The following RHOBTB1 variants were observed in gnomAD, a reference collection of about 807,000 sequenced individuals.
RHOBTB1 encodes the protein rho-related BTB domain-containing protein 1.
A neutral mutation model predicts 71.6 loss-of-function variants in RHOBTB1; 40 were observed. That is an observed-to-expected ratio of 0.56 (90% CI 0.43 to 0.73). The LOEUF (loss-of-function observed/expected upper bound fraction) is 0.73, where lower values mean the gene tolerates loss of function less well. Among genes scored for constraint, RHOBTB1 ranks in the 30% least tolerant of loss-of-function variants. The pLI, the probability that RHOBTB1 is intolerant of heterozygous loss-of-function variation, is 0.00. For synonymous variants in RHOBTB1, 319 were observed against 334.9 expected, an observed-to-expected ratio of 0.95 and a Z score of 0.52; for missense variants, 797 against 894.0, an observed-to-expected ratio of 0.89 and a Z score of 1.38.
At chr10:60,868,992 A>G (rs971365549), downstream of RHOBTB1, among the ~76,000 whole-genome samples, 2 of 152,238 alleles carry the variant, frequency 1.3e-5, no homozygotes, top group African/African-American at 4.8e-5. Context: ...TTGGGTAAAC[A>G]TTGTATTACC....
chr10:60,885,458 G>T (rs1297000267), intron 7 of RHOBTB1, among the ~76,000 whole-genome samples: 2 of 152,162 alleles, frequency 1.3e-5, no homozygotes, highest in African/African-American at 4.8e-5. Flanking sequence ...ACCTTGAGAG[G>T]TGTGTTCAGG....
At chr10:61,001,131 A>G (rs1397361378) in intron 1 of RHOBTB1, among the ~76,000 whole-genome samples, 1 of 151,962 alleles carries the variant, frequency 6.6e-6, no homozygotes, top group Non-Finnish European at 1.5e-5. Flanking sequence ...GCTGCTCAAG[A>G]CACCCAAAGT....
chr10:60,979,108 T>C (rs1589450602), intron 2 of RHOBTB1, among the ~76,000 whole-genome samples: 3 of 152,164 alleles, frequency 2.0e-5, no homozygotes, highest in African/African-American at 4.8e-5. Flanking sequence ...GCTCTAATAT[T>C]TATGCTAGGA....
the RHOBTB1 span, among the ~76,000 whole-genome samples, chr10:60,861,005 A>G: frequency 6.6e-6 from 1 of 152,210 alleles, no homozygotes; most frequent in Admixed American, 6.5e-5. Context: ...ATTATTTGTG[A>G]TAATTTTCAG....
At chr10:60,867,353 G>A (rs1026444854), downstream of RHOBTB1, among the ~76,000 whole-genome samples, 18 of 152,156 alleles carry the variant, frequency 1.2e-4, no homozygotes, top group Admixed American at 4.6e-4. Flanking sequence ...CTCATCGATT[G>A]CCTGTAATAT....
At chr10:60,900,850 G>C (rs185015176) in intron 4 of RHOBTB1, among the ~76,000 whole-genome samples, 1 of 152,162 alleles carries the variant, frequency 6.6e-6, no homozygotes, top group Admixed American at 6.5e-5. Flanking sequence ...ATACGGCAGA[G>C]GTTAACCGGT....
intron 4 of RHOBTB1, among the ~76,000 whole-genome samples, chr10:60,898,997 G>T (rs745702674): frequency 3.3e-5 from 5 of 152,190 alleles, no homozygotes; most frequent in Non-Finnish European, 7.3e-5. Context: ...TCTTAGAAAT[G>T]GTTGGTTCTA....
chr10:60,935,196 A>C (rs1221142794), intron 2 of RHOBTB1, among the ~76,000 whole-genome samples: 1 of 152,240 alleles, frequency 6.6e-6, no homozygotes, highest in East Asian at 1.9e-4. Flanking sequence ...TTATGGATGA[A>C]TCTCACAAAC....
chr10:60,997,175 G>T (rs2087085456), intron 1 of RHOBTB1, among the ~76,000 whole-genome samples: 1 of 151,584 alleles, frequency 6.6e-6, no homozygotes, highest in African/African-American at 2.4e-5. Flanking sequence ...CTATTAGCTG[G>T]ATTCAAACAC....
intron 2 of RHOBTB1, among the ~76,000 whole-genome samples, chr10:60,927,425 A>G (rs1186771163): frequency 1.3e-5 from 2 of 152,218 alleles, no homozygotes; most frequent in African/African-American, 4.8e-5. Context: ...GAGCAAAAAG[A>G]ATAGAGCTGG....
intron 2 of RHOBTB1, among the ~76,000 whole-genome samples, chr10:60,981,893 C>T (rs961755056): frequency 2.0e-4 from 30 of 152,072 alleles, no homozygotes; most frequent in African/African-American, 6.8e-4. Context: ...CTTCAGCCTC[C>T]CAAGTAGCTG....
chr10:60,992,991 A>T (rs549850570), intron 1 of RHOBTB1, among the ~76,000 whole-genome samples: 2 of 152,310 alleles, frequency 1.3e-5, no homozygotes, highest in East Asian at 3.9e-4. Context: ...TAAGGTTAGC[A>T]GGAATAACTT....
chr10:60,902,325 C>T (rs544279397), intron 4 of RHOBTB1, among the ~76,000 whole-genome samples: 6 of 152,144 alleles, frequency 3.9e-5, no homozygotes, highest in South Asian at 2.1e-4. Flanking sequence ...TAGTCTAACA[C>T]GTATCTGTTT....
chr10:60,862,003 T>C, the RHOBTB1 span, among the ~76,000 whole-genome samples: 1 of 152,138 alleles, frequency 6.6e-6, no homozygotes. Flanking sequence ...TTTGTTAGTT[T>C]ATTAAAACTA....
chr10:60,895,905 G>A (rs950771674), intron 4 of RHOBTB1, among the ~76,000 whole-genome samples: 1 of 152,246 alleles, frequency 6.6e-6, no homozygotes, highest in Non-Finnish European at 1.5e-5. Flanking sequence ...CAGTGACAGA[G>A]CTATAGAAAG....
chr10:60,864,689 C>T (rs1479784062), downstream of RHOBTB1, among the ~76,000 whole-genome samples: 3 of 151,646 alleles, frequency 2.0e-5, no homozygotes, highest in East Asian at 3.9e-4. Context: ...TTTATTTTAT[C>T]TATTTTTATT....
the RHOBTB1 span, among the ~76,000 whole-genome samples, chr10:60,861,371 G>T: frequency 5.9e-5 from 9 of 152,170 alleles, no homozygotes; most frequent in Non-Finnish European, 1.2e-4. Context: ...GGAGAAGGTG[G>T]GAAGGGGAAA....
intron 2 of RHOBTB1, among the ~76,000 whole-genome samples, chr10:60,938,209 C>T (rs996689399): frequency 4.6e-5 from 7 of 152,118 alleles, no homozygotes; most frequent in South Asian, 2.1e-4. Context: ...TATCTTTGCA[C>T]GACTGGAATT....
At chr10:60,996,345 G>A (rs2087049314) in intron 1 of RHOBTB1, among the ~76,000 whole-genome samples, 1 of 152,092 alleles carries the variant, frequency 6.6e-6, no homozygotes, top group African/African-American at 2.4e-5. Context: ...CAAGGCCTGA[G>A]GGAATCTGCC....
Sources: allele counts gnomAD v4.1 joint callset (sites outside exome capture counted in the v4.1 genomes callset), GRCh38; gene constraint gnomAD v4.1.1; transcripts MANE v1.5; gene names NCBI Gene and HGNC (gene_info 2026-07-23, HGNC 2026-07-21).